LRRC56: variants seen among roughly 807,000 people sequenced by gnomAD.
LRRC56 encodes the protein leucine-rich repeat-containing protein 56.
A neutral mutation model predicts 47.8 loss-of-function variants in LRRC56; 41 were observed. The ratio of observed to expected loss-of-function variants is 0.86; its 90% CI spans 0.67 to 1.11. The LOEUF is 1.11. LRRC56 is among the 50% of genes most tolerant of loss of function. LRRC56 has a pLI of 0.00. For synonymous variants in LRRC56, 387 were observed against 311.2 expected (o/e 1.24, Z -2.56); for missense variants, 759 against 704.2 (o/e 1.08, Z -0.88).
chr11:541,332 TGAC>T lies in LRRC56; in HGVS notation c.178-204_178-202del, dbSNP rs1222298984. On this transcript the variant is annotated intron_variant, in intron 4 of 13. Coordinates refer to ENST00000270115, the MANE Select transcript of LRRC56 (RefSeq NM_198075.4). The surrounding 1 kb of genome is among the most constrained non-coding windows in gnomAD (Gnocchi z 4.1). ...CCCAGGGCAGGTCCTTCTCCCGCAA[TGAC>T]CCCCCAGCCAAGTGCAGCACAAGCT... Among the ~76,000 whole-genome samples the T allele has an allele frequency of 6.6e-6, 1 of 152,164 alleles. No homozygotes were observed. The highest frequency in any genetic ancestry group is 1.5e-5 in the Non-Finnish European group (1 of 68,022).
In LRRC56 at chr11:552,631, GGAGGGTCCCTGAA is replaced by G; in HGVS notation, c.1248_1260del (p.Arg416SerfsTer80). 2 of 1,611,036 alleles carry G rather than the reference GGAGGGTCCCTGAA, an allele frequency of 1.2e-6. No individual in the cohort carries two copies. Among genetic ancestry groups the G allele is most frequent in the Non-Finnish European group, 1.7e-6 (2 of 1,178,974 alleles). On this transcript the variant is annotated frameshift_variant, in exon 13 of 14. Coordinates refer to ENST00000270115, the MANE Select transcript of LRRC56 (RefSeq NM_198075.4). LOFTEE classifies it high-confidence loss of function. ...GGGGCTGTAGCCCCCTGGGGCCCAC[GGAGGGTCCCTGAA>G]GAGCAAGTGCACCAGGCAGAGCCCA...
chr11:509,104 A>ACC, the LRRC56 span, among the ~76,000 whole-genome samples: 14 of 151,634 alleles, frequency 9.2e-5, no homozygotes, highest in Admixed American at 4.6e-4. Flanking sequence ...ACACACACAC[A>ACC]CCCCCAAGAA....
intron 2 of LRRC56, 26 bp from the exon 3 acceptor site, chr11:539,554 T>TATTTA (rs1456339570): frequency 4.6e-5 from 4 of 86,962 alleles, no homozygotes; most frequent in African/African-American, 1.6e-4. Context: ...CAGCTAATTT[T>TATTTA]TTTTTTTTTT....
intron 9 of LRRC56, among the ~76,000 whole-genome samples, 163 bp downstream of exon 9, chr11:551,465 C>CT (rs1353425983): frequency 1.3e-5 from 2 of 152,248 alleles, no homozygotes; most frequent in African/African-American, 4.8e-5. Flanking sequence ...GGCCAGGACA[C>CT]TGTCTCTGAG....
At position 554,186 on chromosome 11, in the gene LRRC56, G is replaced by A. The variant is rs1376171179; in HGVS notation, c.1539G>A (p.Gln513=). The part of the protein sequence containing the change: ...EVASRLSPRA[Q]GCPGPKPAPD... Reference sequence around the variant, plus strand: ...CCTCACGCCTGAGCCCTCGAGCCCAGGGATGTCCTGGCCCAAAGCCAGCAC... The same window carrying A: ...CCTCACGCCTGAGCCCTCGAGCCCAAGGATGTCCTGGCCCAAAGCCAGCAC... Residue 513 remains glutamine, a synonymous_variant, in exon 14 of 14, where the codon CAG becomes CAA. Coordinates refer to ENST00000270115, the MANE Select transcript of LRRC56 (RefSeq NM_198075.4). 1 of 1,566,620 alleles carries A rather than the reference G, an allele frequency of 6.4e-7. No homozygotes were observed. Among genetic ancestry groups the A allele is most frequent in the Admixed American group, 1.8e-5 (1 of 55,220 alleles).
the LRRC56 span, among the ~76,000 whole-genome samples, chr11:517,987 T>C: frequency 6.6e-6 from 1 of 152,112 alleles, no homozygotes; most frequent in Non-Finnish European, 1.5e-5. Context: ...TTAAGAGTCA[T>C]CACCATTCCC....
In LRRC56 at chr11:551,112, C is replaced by T. The variant is rs1252103917; in HGVS notation, c.625-19C>T. The T allele has an allele frequency of 1.1e-5, 15 of 1,387,572 alleles. No individual in the cohort carries two copies. The highest frequency in any genetic ancestry group is 2.9e-5 in the African/African-American group (2 of 67,928). 86.0% of individuals were successfully genotyped at this position (1,387,572 alleles called of 1,614,324 possible). A position where few individuals can be genotyped will look rare whatever the true frequency, so the allele number is the denominator to read the frequency against. On this transcript the variant is annotated intron_variant, in intron 8 of 13. Transcript: ENST00000270115. ...TGGACCCAGACCTGCCCTCCCTCCCCCTCCCCCTCCCCCTGCAGGTGCCCA... is the reference window on the plus strand; with the variant it reads ...TGGACCCAGACCTGCCCTCCCTCCCTCTCCCCCTCCCCCTGCAGGTGCCCA...
intron 13 of LRRC56, 23 bp from the exon 14 acceptor site, chr11:553,940 C>A: frequency 6.2e-7 from 1 of 1,603,232 alleles, no homozygotes; most frequent in Non-Finnish European, 8.5e-7. Flanking sequence ...TTCTGACGTC[C>A]CATCACTCTG....
chr11:543,014 C>T (rs1267794928), intron 5 of LRRC56, among the ~76,000 whole-genome samples: 1 of 151,402 alleles, frequency 6.6e-6, no homozygotes, highest in Non-Finnish European at 1.5e-5. Flanking sequence ...ACCTCAGCCT[C>T]CCGAGTAGCT....
Position 541,540 on chromosome 11 carries a change from G to T in LRRC56, c.181G>T (p.Ala61Ser). Residue 61 changes from alanine (A) to serine (S), a missense_variant, in exon 5 of 14, where the codon GCC (alanine) becomes TCC (serine). By Grantham distance (99) the Ala-to-Ser change is moderately conservative. Transcript: ENST00000270115. This position sits in a 1 kb window ranked among gnomAD's most constrained non-coding sequence, Gnocchi z 4.1. ...EEYLSPARLQ[A>S]LARVDDLRLV... ...GACCCCCGGTTGGTTTCTACAGCAGGCCCTGGCCCGGGTGGATGACCTTCG... is the reference window on the plus strand; with the variant it reads ...GACCCCCGGTTGGTTTCTACAGCAGTCCCTGGCCCGGGTGGATGACCTTCG... The T allele has an allele frequency of 4.5e-6, 7 of 1,569,618 alleles. No homozygotes were observed. The highest frequency in any genetic ancestry group is 6.1e-6 in the Non-Finnish European group (7 of 1,155,900).
intron 12 of LRRC56, 118 bp downstream of exon 12, chr11:552,350 C>T (rs866821925): frequency 7.1e-7 from 1 of 1,412,428 alleles, no homozygotes; most frequent in Middle Eastern, 2.5e-4. Flanking sequence ...CCCTGCATGT[C>T]CTGTCCCGTG....
Position 554,359 on chromosome 11 carries a change from G to C in LRRC56, c.*83G>C, listed in dbSNP as rs540689826. On this transcript the variant is annotated 3_prime_UTR_variant, in exon 14 of 14. Transcript: ENST00000270115. The stretch of plus-strand genomic sequence containing the variant: ...GTCACAGAGCACAGAATACCTGGGC[G>C]GGTGTGTTGGGGGGTGGAAGGAGTG... The C allele has an allele frequency of 1.7e-5, 21 of 1,236,276 alleles. No homozygotes were observed. The highest frequency in any genetic ancestry group is 2.2e-5 in the Non-Finnish European group (21 of 941,928). 76.6% of individuals were successfully genotyped at this position (1,236,276 alleles called of 1,614,324 possible). A position where few individuals can be genotyped will look rare whatever the true frequency, so the allele number is the denominator to read the frequency against.
At chr11:521,429 C>T in the LRRC56 span, among the ~76,000 whole-genome samples, 1 of 152,150 alleles carries the variant, frequency 6.6e-6, no homozygotes, top group Non-Finnish European at 1.5e-5. Flanking sequence ...CTGCCTCAGC[C>T]TCCCGAGAAG....
chr11:551,512 G>A (rs775207653), intron 9 of LRRC56, 139 bp from the exon 10 acceptor site: 3 of 942,374 alleles, frequency 3.2e-6, no homozygotes, highest in Non-Finnish European at 4.7e-6. Context: ...GAAGATGAGG[G>A]CCTCTCTAGA....
chr11:529,396 C>T, the LRRC56 span: 2 of 152,412 alleles, frequency 1.3e-5, no homozygotes, highest in Admixed American at 6.5e-5. Context: ...AGATGGGTTC[C>T]TGCAGGAGGG....
Position 542,584 on chromosome 11 carries a change from A to AC in LRRC56, c.265+960_265+961insC, listed in dbSNP as rs1314694668. 3.5e-3 allele frequency among the ~76,000 whole-genome samples: 515 copies of AC among 146,380 alleles called. 3 individuals are homozygous for AC. The highest frequency in any genetic ancestry group is 0.01 in the Middle Eastern group (3 of 288). On this transcript the variant is annotated intron_variant, in intron 5 of 13. Transcript: ENST00000270115. ...CGACAGAGCAAAACCCTGTCGCAAA[A>AC]AAAAAAAAAAAAAAAAAAAACACTC... is the stretch of plus-strand genomic sequence containing the variant.
At chr11:534,339 G>A (rs754890199), upstream of LRRC56, 22 of 1,595,826 alleles carry the variant, frequency 1.4e-5, no homozygotes, top group Middle Eastern at 1.7e-4. Context: ...TCAGGGGCCT[G>A]CGGCCCGGGG....
the LRRC56 span, among the ~76,000 whole-genome samples, chr11:521,956 A>G: frequency 6.6e-6 from 1 of 152,088 alleles, no homozygotes; most frequent in Non-Finnish European, 1.5e-5. Flanking sequence ...AACAGCTCTC[A>G]TAACCCAAAT....
chr11:537,855 A>T (rs1373907989), intron 1 of LRRC56, among the ~76,000 whole-genome samples: 1 of 152,162 alleles, frequency 6.6e-6, no homozygotes, highest in African/African-American at 2.4e-5. Context: ...AGGGAGACTC[A>T]GAGGCAATGA....
Sources: allele counts gnomAD v4.1 joint callset (sites outside exome capture counted in the v4.1 genomes callset), GRCh38; gene constraint gnomAD v4.1.1; non-coding constraint Gnocchi (gnomAD v3.1); transcripts MANE v1.5; gene names NCBI Gene and HGNC (gene_info 2026-07-23, HGNC 2026-07-21).